Variants in PTPRE observed in about 807,000 individuals in gnomAD.
PTPRE encodes the protein receptor-type tyrosine-protein phosphatase epsilon.
Under a neutral mutation model 102.0 loss-of-function variants are expected in PTPRE, and 51 were observed. The ratio of observed to expected loss-of-function variants is 0.50; its 90% CI spans 0.40 to 0.63. The LOEUF is 0.63. Ranked by LOEUF, PTPRE falls within the 30% of genes least tolerant of loss-of-function variation. The pLI is 0.00. For synonymous variants in PTPRE, 345 were observed against 348.2 expected (o/e 0.99, Z 0.10); for missense variants, 752 against 915.1 (o/e 0.82, Z 2.30).
At chr10:128,052,650 G>A (rs935328443) in intron 6 of PTPRE, among the ~76,000 whole-genome samples, 1 of 152,164 alleles carries the variant, frequency 6.6e-6, no homozygotes, top group African/African-American at 2.4e-5. Context: ...TGGAAAGTGA[G>A]CACCACTGGG....
At chr10:127,982,870 A>G (rs532677546) in intron 2 of PTPRE, among the ~76,000 whole-genome samples, 6 of 152,308 alleles carry the variant, frequency 3.9e-5, no homozygotes, top group African/African-American at 1.4e-4. Context: ...AAAACTTTAA[A>G]CAACAGAGCC....
chr10:128,026,433 T>C (rs61873759), intron 2 of PTPRE, among the ~76,000 whole-genome samples: 31,408 of 152,150 alleles, frequency 0.21, 3,682 homozygotes, highest in Non-Finnish European at 0.26. Context: ...AAGGAAGATA[T>C]AGAACAACGC....
At chr10:127,923,279 G>GGGAC (rs1407421355) in intron 1 of PTPRE, among the ~76,000 whole-genome samples, 1 of 152,174 alleles carries the variant, frequency 6.6e-6, no homozygotes, top group Non-Finnish European at 1.5e-5. Flanking sequence ...ACAGAGTGTG[G>GGGAC]GGACACCCTG....
chr10:128,034,564 G>T (rs1326353556), intron 2 of PTPRE, among the ~76,000 whole-genome samples: 3 of 152,122 alleles, frequency 2.0e-5, no homozygotes, highest in Non-Finnish European at 4.4e-5. Flanking sequence ...AGTCATGGTG[G>T]TGCATCCCTG....
At chr10:127,945,035 A>G (rs1263439470) in intron 1 of PTPRE, among the ~76,000 whole-genome samples, 2 of 152,206 alleles carry the variant, frequency 1.3e-5, no homozygotes, top group Non-Finnish European at 2.9e-5. Flanking sequence ...TGTGACTGTC[A>G]TGGGCCAGGA....
intron 1 of PTPRE, among the ~76,000 whole-genome samples, chr10:127,926,067 T>C (rs1846987960): frequency 6.6e-6 from 1 of 152,252 alleles, no homozygotes; most frequent in Admixed American, 6.5e-5. Context: ...CTAATCTTTT[T>C]AGAGAACAAA....
intron 2 of PTPRE, among the ~76,000 whole-genome samples, chr10:127,982,600 C>T (rs1851731041): frequency 6.6e-6 from 1 of 151,924 alleles, no homozygotes; most frequent in African/African-American, 2.4e-5. Flanking sequence ...GCTTTCCTTT[C>T]ACTGACGTGT....
At chr10:127,976,962 G>A (rs905498354) in intron 1 of PTPRE, among the ~76,000 whole-genome samples, 6 of 152,216 alleles carry the variant, frequency 3.9e-5, no homozygotes, top group African/African-American at 7.2e-5. Context: ...CGCAGGGGCC[G>A]TGGCTGCGGT....
chr10:127,921,359 C>A (rs1313580618), intron 1 of PTPRE, among the ~76,000 whole-genome samples: 2 of 152,150 alleles, frequency 1.3e-5, no homozygotes, highest in Non-Finnish European at 1.5e-5. Flanking sequence ...GACCAATAAT[C>A]CCCAAGACGG....
At chr10:128,021,099 G>C (rs1388405432) in intron 2 of PTPRE, among the ~76,000 whole-genome samples, 1 of 152,062 alleles carries the variant, frequency 6.6e-6, no homozygotes, top group Non-Finnish European at 1.5e-5. Flanking sequence ...GTTTCGCCGT[G>C]TTAGCCAGGA....
rs1211733808 is a variant in PTPRE, at chr10:128,085,070, C to T, written c.*2164C>T. The T allele has an allele frequency of 6.6e-6, 3 of 455,818 alleles. No individual in the cohort carries two copies. Among genetic ancestry groups the T allele is most frequent in the African/African-American group, 2.0e-5 (1 of 50,034 alleles). The allele number at this position is 455,818 out of a possible 1,614,324, so 28.2% of individuals were successfully genotyped here. A position where few individuals can be genotyped will look rare whatever the true frequency, so the allele number is the denominator to read the frequency against. ...GCCTGTTCCCAAACTTTTTCCATTC[C>T]AGGAACAAAGGAGAAGCCACTTTCC... On this transcript the variant is annotated 3_prime_UTR_variant, in exon 21 of 21. Coordinates refer to ENST00000254667, the MANE Select transcript of PTPRE (RefSeq NM_006504.6).
intron 2 of PTPRE, among the ~76,000 whole-genome samples, chr10:128,003,403 T>C (rs1307250657): frequency 6.6e-6 from 1 of 152,210 alleles, no homozygotes; most frequent in African/African-American, 2.4e-5. Flanking sequence ...TTCCAATACA[T>C]TAAAAATATT....
chr10:128,047,673 C>T (rs371125798), intron 4 of PTPRE, 91 bp from the exon 5 acceptor site: 10 of 1,614,146 alleles, frequency 6.2e-6, no homozygotes, highest in East Asian at 2.2e-5. Context: ...TAGCTTTTCC[C>T]GGCTCACCTG....
chr10:127,911,826 A>G (rs1300045896), intron 1 of PTPRE, among the ~76,000 whole-genome samples: 3 of 152,114 alleles, frequency 2.0e-5, no homozygotes, highest in Non-Finnish European at 4.4e-5. Flanking sequence ...CTGGCCCTAG[A>G]CATATCAAGA....
chr10:127,933,133 C>A (rs922654126), intron 1 of PTPRE, among the ~76,000 whole-genome samples: 1 of 152,190 alleles, frequency 6.6e-6, no homozygotes, highest in Admixed American at 6.5e-5. Context: ...TTACAGTCAG[C>A]CGTTTAGCAA....
intron 2 of PTPRE, among the ~76,000 whole-genome samples, chr10:128,021,263 C>T (rs936960996): frequency 6.6e-6 from 1 of 152,122 alleles, no homozygotes; most frequent in Non-Finnish European, 1.5e-5. Flanking sequence ...CAGGCTAGAC[C>T]CTGCATCTGA....
At chr10:127,943,892 T>C (rs975256147) in intron 1 of PTPRE, among the ~76,000 whole-genome samples, 1 of 151,980 alleles carries the variant, frequency 6.6e-6, no homozygotes, top group African/African-American at 2.4e-5. Flanking sequence ...GTATTGGGCA[T>C]GGTGTATGAG....
chr10:128,069,000 T>G (rs1850525012), intron 12 of PTPRE: 1 of 152,352 alleles, frequency 6.6e-6, no homozygotes, highest in Admixed American at 6.5e-5. Context: ...ACAGACAGGT[T>G]CATTCTGAGT....
chr10:127,922,466 T>A (rs1373268192), intron 1 of PTPRE, among the ~76,000 whole-genome samples: 1 of 152,198 alleles, frequency 6.6e-6, no homozygotes, highest in Non-Finnish European at 1.5e-5. Flanking sequence ...TCTGAGGTCC[T>A]TGTGTTGTCC....
Sources: gnomAD v4.1 joint callset for allele counts (sites outside exome capture counted in the v4.1 genomes callset) on GRCh38, gnomAD v4.1.1 for gene constraint, MANE v1.5 for transcripts, NCBI Gene and HGNC (gene_info 2026-07-23, HGNC 2026-07-21) for gene names.